INPP4B: variants seen among roughly 807,000 people sequenced by gnomAD.
INPP4B encodes the protein inositol polyphosphate-4-phosphatase type II B.
Under a neutral mutation model 122.5 loss-of-function variants are expected in INPP4B, and 55 were observed. The ratio of observed to expected loss-of-function variants is 0.45; its 90% CI spans 0.36 to 0.56. INPP4B has a LOEUF of 0.56. Ranked by LOEUF, INPP4B falls within the 20% of genes least tolerant of loss-of-function variation. The probability of loss-of-function intolerance (pLI) is 0.00; values close to 1 mark genes in which losing one functional copy is unlikely to be tolerated. For synonymous variants in INPP4B, 403 were observed against 388.7 expected (o/e 1.04, Z -0.43); for missense variants, 1,000 against 1,097.7 (o/e 0.91, Z 1.26).
At chr4:142,151,480 C>T (rs1813882797) in intron 17 of INPP4B, among the ~76,000 whole-genome samples, 1 of 152,192 alleles carries the variant, frequency 6.6e-6, no homozygotes, top group Admixed American at 6.5e-5. Context: ...TTAAAATTCA[C>T]TCCTGGCCTT....
At chr4:142,829,433 A>C (rs1385942190) in intron 1 of INPP4B, among the ~76,000 whole-genome samples, 1 of 152,130 alleles carries the variant, frequency 6.6e-6, no homozygotes, top group Non-Finnish European at 1.5e-5. Context: ...TTTTGACAGA[A>C]GTCATTGCTC....
chr4:142,481,497 T>C (rs1050742243), intron 2 of INPP4B, among the ~76,000 whole-genome samples: 39 of 152,142 alleles, frequency 2.6e-4, no homozygotes, highest in Admixed American at 2.6e-3. Context: ...AGAAGTTTAT[T>C]TATTTAATTA....
At chr4:142,623,254 A>G (rs1745380777) in intron 2 of INPP4B, among the ~76,000 whole-genome samples, 1 of 151,902 alleles carries the variant, frequency 6.6e-6, no homozygotes, top group African/African-American at 2.4e-5. Context: ...TTCTAGGACT[A>G]CTGGAATCTC....
At chr4:142,107,326 A>C (rs1284392815) in intron 23 of INPP4B, among the ~76,000 whole-genome samples, 7 of 152,210 alleles carry the variant, frequency 4.6e-5, no homozygotes, top group African/African-American at 1.4e-4. Flanking sequence ...AATAGTAACG[A>C]GTAGACTTTG....
chr4:142,692,241 CTAAA>C (rs1760297295), intron 2 of INPP4B, among the ~76,000 whole-genome samples: 1 of 151,836 alleles, frequency 6.6e-6, no homozygotes. Context: ...TATTGTTACT[CTAAA>C]TAGATTACTA....
chr4:142,306,229 GT>G (rs5862582), intron 8 of INPP4B, among the ~76,000 whole-genome samples: 22,007 of 135,684 alleles, frequency 0.16, 2,460 homozygotes, highest in African/African-American at 0.39. Context: ...ACTCCAAATT[GT>G]TTTTTTTTTT....
rs1384118685 is a variant in INPP4B, at chr4:142,644,914, A to G, written c.-191+80925T>C. Among the ~76,000 whole-genome samples, 9 of 150,338 alleles carry G rather than the reference A, an allele frequency of 6.0e-5. No individual in the cohort carries two copies. The East Asian group carries it at 1.7e-3, about 29-fold the overall frequency. On this transcript the variant is annotated intron_variant, in intron 2 of 25. Coordinates refer to ENST00000262992, the MANE Select transcript of INPP4B (RefSeq NM_001101669.3). The stretch of plus-strand genomic sequence containing the variant: ...GAGCAAGACTCCATCTCAAAAAAAA[A>G]AAAAAAAAAAAAGCAAAGAGAAACA...
intron 1 of INPP4B, among the ~76,000 whole-genome samples, chr4:142,804,864 G>A (rs11723982): frequency 2.0e-5 from 3 of 151,738 alleles, no homozygotes; most frequent in African/African-American, 4.8e-5. Flanking sequence ...ATGGGGTTTC[G>A]CCATGTTGCC....
chr4:142,571,029 C>T (rs1031842442), intron 2 of INPP4B, among the ~76,000 whole-genome samples: 26 of 150,234 alleles, frequency 1.7e-4, no homozygotes, highest in African/African-American at 6.2e-4. Flanking sequence ...ATGAAATTAC[C>T]CTTTCATGAG....
At chr4:142,248,019 A>T (rs1020296031) in intron 11 of INPP4B, among the ~76,000 whole-genome samples, 1 of 152,052 alleles carries the variant, frequency 6.6e-6, no homozygotes, top group Admixed American at 6.5e-5. Flanking sequence ...GAAAGAAGGC[A>T]TCACCCCTCC....
At chr4:142,262,136 G>A (rs551428071) in intron 10 of INPP4B, among the ~76,000 whole-genome samples, 2 of 151,920 alleles carry the variant, frequency 1.3e-5, no homozygotes, top group South Asian at 4.2e-4. Context: ...GCATATACAG[G>A]GCTGTTAAAA....
At position 142,303,043 on chromosome 4, in the gene INPP4B, CACA is replaced by C. The variant is rs574354358; in HGVS notation, c.503+2412_503+2414del. On this transcript the variant is annotated intron_variant, in intron 9 of 25. Transcript: ENST00000262992. ...ATTTTACTCTACATCTTTAAAAATA[CACA>C]ACATCATATTTCATTAAGTTTGAGT... Among the ~76,000 whole-genome samples, 88 of 152,170 alleles carry C rather than the reference CACA, an allele frequency of 5.8e-4. 1 individual carries two copies. Among genetic ancestry groups the C allele is most frequent in the Middle Eastern group, 6.8e-3 (2 of 292 alleles).
chr4:142,734,793 G>A (rs1372004755), intron 1 of INPP4B, among the ~76,000 whole-genome samples: 1 of 152,044 alleles, frequency 6.6e-6, no homozygotes, highest in Non-Finnish European at 1.5e-5. Flanking sequence ...TTACAGGCAT[G>A]CGCCAGCACG....
At chr4:142,303,547 A>G (rs1762277770) in intron 9 of INPP4B, among the ~76,000 whole-genome samples, 1 of 152,100 alleles carries the variant, frequency 6.6e-6, no homozygotes, top group Non-Finnish European at 1.5e-5. Context: ...AAAGAAAATA[A>G]ATTACATCAG....
In INPP4B at chr4:142,024,111, T is replaced by G. The variant is rs1736286124; in HGVS notation, c.*4671A>C. 1 of 152,148 alleles carries G rather than the reference T, an allele frequency of 6.6e-6. No individual in the cohort carries two copies. Among genetic ancestry groups the G allele is most frequent in the Non-Finnish European group, 1.5e-5 (1 of 68,004 alleles). 9.4% of individuals were successfully genotyped at this position (152,148 alleles called of 1,614,324 possible). A position where few individuals can be genotyped will look rare whatever the true frequency, so the allele number is the denominator to read the frequency against. On this transcript the variant is annotated 3_prime_UTR_variant, in exon 26 of 26. Transcript: ENST00000262992. Reference sequence around the variant, plus strand: ...TCAGAAAAACAAATGCAAATTTCCATACATTAACTCTACACATAATGGCTT... The same window carrying G: ...TCAGAAAAACAAATGCAAATTTCCAGACATTAACTCTACACATAATGGCTT...
intron 3 of INPP4B, among the ~76,000 whole-genome samples, chr4:142,434,621 A>G (rs1810039899): frequency 6.6e-6 from 1 of 152,154 alleles, no homozygotes; most frequent in African/African-American, 2.4e-5. Flanking sequence ...GACCTAGCAC[A>G]TGTCTCTGAT....
At chr4:142,641,702 AT>A (rs1317553940) in intron 2 of INPP4B, among the ~76,000 whole-genome samples, 3 of 152,240 alleles carry the variant, frequency 2.0e-5, no homozygotes, top group African/African-American at 7.2e-5. Flanking sequence ...AGTCTTTGCT[AT>A]TGTGAGTAGT....
chr4:142,626,729 A>AAAG (rs145920712), intron 2 of INPP4B, among the ~76,000 whole-genome samples: 2,057 of 152,128 alleles, frequency 0.014, 37 homozygotes, highest in African/African-American at 0.039. Context: ...CTACCCAATA[A>AAAG]AAGAAACCAA....
intron 23 of INPP4B, among the ~76,000 whole-genome samples, chr4:142,095,049 C>T (rs1354466433): frequency 2.6e-5 from 4 of 152,128 alleles, no homozygotes; most frequent in African/African-American, 7.2e-5. Context: ...TACAGTTTAT[C>T]AATGGCAACA....
Sources: gnomAD v4.1 joint callset for allele counts (sites outside exome capture counted in the v4.1 genomes callset) on GRCh38, gnomAD v4.1.1 for gene constraint, MANE v1.5 for transcripts, NCBI Gene and HGNC (gene_info 2026-07-23, HGNC 2026-07-21) for gene names.